Variants in MMRN1 observed in about 807,000 individuals in gnomAD.
MMRN1 encodes multimerin 1.
A neutral mutation model predicts 100.7 loss-of-function variants in MMRN1; 94 were observed. The ratio of observed to expected loss-of-function variants is 0.93; its 90% CI spans 0.79 to 1.11. The LOEUF (loss-of-function observed/expected upper bound fraction) is 1.11, where lower values mean the gene tolerates loss of function less well. MMRN1 is among the 50% of genes least tolerant of loss of function. The probability of loss-of-function intolerance (pLI) is 0.00; values close to 1 mark genes in which losing one functional copy is unlikely to be tolerated. For missense variants in MMRN1, 1,606 were observed against 1,439.1 expected (o/e 1.12, Z -1.88); for synonymous variants, 575 against 505.0 (o/e 1.14, Z -1.86).
chr4:89,891,497 A>G (rs1721053322), upstream of MMRN1, among the ~76,000 whole-genome samples: 1 of 152,126 alleles, frequency 6.6e-6, no homozygotes, highest in Non-Finnish European at 1.5e-5. Context: ...TTAACTTCCC[A>G]TGAGTATAAC....
chr4:89,929,925 T>A (rs1390317224), intron 5 of MMRN1, among the ~76,000 whole-genome samples: 1 of 152,198 alleles, frequency 6.6e-6, no homozygotes, highest in Admixed American at 6.5e-5. Flanking sequence ...AAATCAAATG[T>A]CTCAACTCCG....
At chr4:89,949,532 G>T (rs1295733361) in intron 6 of MMRN1, among the ~76,000 whole-genome samples, 3 of 152,188 alleles carry the variant, frequency 2.0e-5, no homozygotes, top group Non-Finnish European at 2.9e-5. Flanking sequence ...AATGGGCAAA[G>T]TTCTGGAATG....
chr4:89,889,893 C>G (rs1721013307), upstream of MMRN1, among the ~76,000 whole-genome samples: 1 of 152,078 alleles, frequency 6.6e-6, no homozygotes, highest in African/African-American at 2.4e-5. Context: ...CCAGACCCAC[C>G]CCTGCATTTC....
intron 2 of MMRN1, among the ~76,000 whole-genome samples, chr4:89,911,681 G>A (rs1400346931): frequency 6.6e-6 from 1 of 151,290 alleles, no homozygotes; most frequent in African/African-American, 2.4e-5. Flanking sequence ...CAAGAGAAAA[G>A]CTATAATATC....
At chr4:89,951,098 T>C (rs551966463) in intron 6 of MMRN1, among the ~76,000 whole-genome samples, 1 of 152,288 alleles carries the variant, frequency 6.6e-6, no homozygotes, top group Admixed American at 6.5e-5. Flanking sequence ...GAAAGAATTT[T>C]TTAAAATTTT....
intron 2 of MMRN1, among the ~76,000 whole-genome samples, chr4:89,910,850 T>A (rs7691487): frequency 6.6e-6 from 1 of 151,034 alleles, no homozygotes; most frequent in South Asian, 2.1e-4. Flanking sequence ...AACGTAAGTC[T>A]CTAAAGGCCG....
Position 89,927,928 on chromosome 4 carries a change from C to T in MMRN1, c.1089C>T (p.Val363=). The T allele has an allele frequency of 1.9e-6, 3 of 1,605,618 alleles. No individual in the cohort carries two copies. The highest frequency in any genetic ancestry group is 2.5e-6 in the Non-Finnish European group (3 of 1,176,764). The change falls in exon 5 of 8, where the codon GTC becomes GTT. Residue 363 remains valine (V), a synonymous_variant. Transcript: ENST00000264790. ...RNTYSSLEGK[V]SEDKSREFQS... ...CTTACTCCTCCCTAGAAGGAAAAGT[C>T]AGCGAAGATAAAAGCAGAGAATTTC...
intron 6 of MMRN1, 88 bp from the exon 7 acceptor site, chr4:89,951,517 T>C: frequency 1.5e-6 from 2 of 1,347,000 alleles, no homozygotes; most frequent in Non-Finnish European, 1.9e-6. Flanking sequence ...TTCAGTCTTT[T>C]TCCTATTCTG....
At chr4:89,945,668 C>T (rs10516853) in intron 6 of MMRN1, among the ~76,000 whole-genome samples, 31,686 of 151,986 alleles carry the variant, frequency 0.21, 6,015 homozygotes, top group African/African-American at 0.5. Context: ...TAAATCAGTT[C>T]ACGATATCAA....
intron 3 of MMRN1, among the ~76,000 whole-genome samples, chr4:89,915,339 A>C (rs1382119776): frequency 1.3e-5 from 2 of 151,568 alleles, no homozygotes; most frequent in Non-Finnish European, 3.0e-5. Context: ...TGGTTGTTGC[A>C]CCAAACTGCC....
intron 7 of MMRN1, 106 bp downstream of exon 7, chr4:89,951,857 A>G (rs1433477929): frequency 2.4e-6 from 3 of 1,269,754 alleles, no homozygotes; most frequent in East Asian, 5.4e-5. Context: ...ATCTGGATCC[A>G]CTTGACAATT....
At chr4:89,947,417 T>C (rs1177787707) in intron 6 of MMRN1, among the ~76,000 whole-genome samples, 1 of 152,242 alleles carries the variant, frequency 6.6e-6, no homozygotes, top group Non-Finnish European at 1.5e-5. Flanking sequence ...GGTATTCTAT[T>C]CCATCTTTTA....
At chr4:89,905,210 T>C (rs1373838029) in intron 1 of MMRN1, among the ~76,000 whole-genome samples, 1 of 151,602 alleles carries the variant, frequency 6.6e-6, no homozygotes, top group African/African-American at 2.4e-5. Context: ...TGTAAAATGA[T>C]GTACAACACT....
chr4:89,944,846 C>T (rs1478790070), intron 6 of MMRN1, among the ~76,000 whole-genome samples: 4 of 152,228 alleles, frequency 2.6e-5, no homozygotes, highest in African/African-American at 7.2e-5. Context: ...CTTGAAACAA[C>T]GCGAGTTTAT....
upstream of MMRN1, among the ~76,000 whole-genome samples, chr4:89,893,260 C>T (rs918386770): frequency 6.6e-6 from 1 of 151,980 alleles, no homozygotes; most frequent in Non-Finnish European, 1.5e-5. Context: ...GCTTTTTACT[C>T]CATATCAGAG....
chr4:89,906,930 T>G (rs1045197858), intron 1 of MMRN1, among the ~76,000 whole-genome samples: 1 of 151,462 alleles, frequency 6.6e-6, no homozygotes, highest in African/African-American at 2.4e-5. Flanking sequence ...ACTATCATTT[T>G]GCCTCACAGA....
At chr4:89,898,240 A>T (rs4522832) in intron 1 of MMRN1, among the ~76,000 whole-genome samples, 1 of 151,514 alleles carries the variant, frequency 6.6e-6, no homozygotes, top group African/African-American at 2.4e-5. Flanking sequence ...ATCTGTTACT[A>T]GTACTCTACT....
At chr4:89,915,599 T>C (rs1361859445) in intron 3 of MMRN1, among the ~76,000 whole-genome samples, 2 of 146,170 alleles carry the variant, frequency 1.4e-5, no homozygotes, top group African/African-American at 5.0e-5. Context: ...TCCATCTAAT[T>C]AAAAAAAAAA....
At chr4:89,937,253 T>C (rs1450940973) in intron 6 of MMRN1, among the ~76,000 whole-genome samples, 3 of 152,066 alleles carry the variant, frequency 2.0e-5, no homozygotes, top group African/African-American at 4.8e-5. Context: ...GGGTAAATCA[T>C]AGAAGGCCAT....
Sources: allele counts gnomAD v4.1 joint callset (sites outside exome capture counted in the v4.1 genomes callset), GRCh38; gene constraint gnomAD v4.1.1; transcripts MANE v1.5; gene names NCBI Gene and HGNC (gene_info 2026-07-23, HGNC 2026-07-21).